The following TPST1 variants were observed in gnomAD, a reference collection of about 807,000 sequenced individuals.
TPST1 encodes the protein protein-tyrosine sulfotransferase 1.
In TPST1, 20 loss-of-function variants were observed where a neutral mutation model predicts 34.8. That is an observed-to-expected ratio of 0.57 (90% CI 0.40 to 0.84). The LOEUF (loss-of-function observed/expected upper bound fraction) is 0.84, where lower values mean the gene tolerates loss of function less well. Ranked by LOEUF, TPST1 falls within the 40% of genes least tolerant of loss-of-function variation. TPST1 has a pLI of 0.00. For synonymous variants in TPST1, 152 were observed against 159.4 expected (o/e 0.95, Z 0.35); for missense variants, 353 against 455.5 (o/e 0.78, Z 2.05).
At chr7:66,220,845 G>A (rs1187127182) in intron 1 of TPST1, among the ~76,000 whole-genome samples, 1 of 152,232 alleles carries the variant, frequency 6.6e-6, no homozygotes, top group South Asian at 2.1e-4. Context: ...TAGAAAGGTC[G>A]TTCCTGGCTG....
intron 2 of TPST1, 32 bp downstream of exon 2, chr7:66,241,302 C>CTA: frequency 6.4e-7 from 1 of 1,562,728 alleles, no homozygotes. Context: ...TATTTTGACT[C>CTA]TATATTTAGC....
chr7:66,269,218 C>T (rs891554048), intron 2 of TPST1, among the ~76,000 whole-genome samples: 1 of 152,144 alleles, frequency 6.6e-6, no homozygotes, highest in Non-Finnish European at 1.5e-5. Flanking sequence ...GCTATTTAAG[C>T]TATTTTAGTA....
intron 3 of TPST1, among the ~76,000 whole-genome samples, 156 bp from the exon 4 acceptor site, chr7:66,352,349 G>C (rs1792497076): frequency 6.6e-6 from 1 of 152,202 alleles, no homozygotes; most frequent in Non-Finnish European, 1.5e-5. Context: ...CCTCAGTGCT[G>C]CCCACTGGCT....
Position 66,264,156 on chromosome 7 carries a change from G to A in TPST1, c.846-22355G>A, listed in dbSNP as rs551650793. 6.4e-4 allele frequency among the ~76,000 whole-genome samples: 97 copies of A among 152,258 alleles called. 1 individual carries two copies. Among genetic ancestry groups the A allele is most frequent in the Admixed American group, 9.8e-4 (15 of 15,298 alleles). Reference sequence around the variant, plus strand: ...TCAGAACTGCCCTACTTCTGAGATCGGGGAGGACAGTAGTTATCAAGAAAC... The same window carrying A: ...TCAGAACTGCCCTACTTCTGAGATCAGGGAGGACAGTAGTTATCAAGAAAC... On this transcript the variant is annotated intron_variant, in intron 2 of 5. Coordinates refer to ENST00000304842, the MANE Select transcript of TPST1 (RefSeq NM_003596.4).
intron 3 of TPST1, among the ~76,000 whole-genome samples, chr7:66,313,141 C>T (rs1050557303): frequency 4.0e-4 from 60 of 151,780 alleles, no homozygotes; most frequent in Admixed American, 1.0e-3. Flanking sequence ...GGTAGCCAGG[C>T]GCGGTGGCTC....
chr7:66,238,761 A>G (rs1789963526), intron 1 of TPST1, among the ~76,000 whole-genome samples: 1 of 152,242 alleles, frequency 6.6e-6, no homozygotes, highest in African/African-American at 2.4e-5. Context: ...ACCAAAGTCT[A>G]GCCAAGTTGA....
intron 3 of TPST1, among the ~76,000 whole-genome samples, chr7:66,330,793 A>G (rs149098247): frequency 7.0e-4 from 107 of 152,346 alleles, no homozygotes; most frequent in African/African-American, 2.5e-3. Flanking sequence ...TCCCAGTTCT[A>G]ATATTCCTCC....
chr7:66,213,491 C>T (rs966409306), intron 1 of TPST1, among the ~76,000 whole-genome samples: 4 of 152,100 alleles, frequency 2.6e-5, no homozygotes, highest in African/African-American at 4.8e-5. Context: ...CGCGGTGGCT[C>T]ACGCCTGTAA....
At chr7:66,219,896 A>G (rs1789503678) in intron 1 of TPST1, among the ~76,000 whole-genome samples, 2 of 152,194 alleles carry the variant, frequency 1.3e-5, no homozygotes, top group African/African-American at 2.4e-5. Flanking sequence ...TAGAACAGAA[A>G]TGTTCCTTTA....
chr7:66,333,977 C>G (rs1792044347), intron 3 of TPST1, among the ~76,000 whole-genome samples: 1 of 152,000 alleles, frequency 6.6e-6, no homozygotes, highest in Admixed American at 6.6e-5. Flanking sequence ...AGGGACTGAG[C>G]CATTTGGAAG....
In TPST1 at chr7:66,237,891, A is replaced by G. The variant is rs778926671; in HGVS notation, c.-101-2434A>G. Among the ~76,000 whole-genome samples the G allele has an allele frequency of 2.6e-5, 4 of 152,284 alleles. No homozygotes were observed. The East Asian group carries it at 7.7e-4, about 29-fold the overall frequency. On this transcript the variant is annotated intron_variant, in intron 1 of 5. Transcript: ENST00000304842. The stretch of plus-strand genomic sequence containing the variant: ...TCGGGTTGCTGTTTCTTGTGGCCCA[A>G]TAACGAGATGCAGATGAACTGGGGA...
chr7:66,350,886 T>A (rs1442663583), intron 3 of TPST1, among the ~76,000 whole-genome samples: 1 of 152,248 alleles, frequency 6.6e-6, no homozygotes, highest in Non-Finnish European at 1.5e-5. Context: ...AAATGATATA[T>A]GTGTAACAGT....
chr7:66,269,987 G>A (rs1431986586), intron 2 of TPST1, among the ~76,000 whole-genome samples: 2 of 151,832 alleles, frequency 1.3e-5, no homozygotes, highest in African/African-American at 4.8e-5. Flanking sequence ...GTGGAAAAAA[G>A]GAAAAACAGA....
At chr7:66,278,351 T>C (rs565138874) in intron 2 of TPST1, among the ~76,000 whole-genome samples, 89 of 152,180 alleles carry the variant, frequency 5.8e-4, no homozygotes, top group African/African-American at 2.1e-3. Flanking sequence ...AGGCTGAGGC[T>C]GCCGTGCGGG....
chr7:66,263,751 T>C (rs1790533683), intron 2 of TPST1, among the ~76,000 whole-genome samples: 1 of 152,188 alleles, frequency 6.6e-6, no homozygotes, highest in African/African-American at 2.4e-5. Flanking sequence ...TTTCAAGTGG[T>C]TTAAAAAGTT....
intron 2 of TPST1, among the ~76,000 whole-genome samples, chr7:66,281,935 C>T (rs143443139): frequency 1.3e-5 from 2 of 152,234 alleles, no homozygotes; most frequent in African/African-American, 4.8e-5. Flanking sequence ...GAGGAGTTGC[C>T]GCCACTGTGA....
chr7:66,236,467 T>C (rs1441695763), intron 1 of TPST1, among the ~76,000 whole-genome samples: 1 of 152,174 alleles, frequency 6.6e-6, no homozygotes, highest in Non-Finnish European at 1.5e-5. Flanking sequence ...TAATGAAGTA[T>C]ATATAGTGTA....
intron 1 of TPST1, among the ~76,000 whole-genome samples, chr7:66,211,331 T>A (rs1789240246): frequency 1.3e-5 from 2 of 152,000 alleles, no homozygotes; most frequent in South Asian, 4.2e-4. Context: ...ACGGGGTTTC[T>A]CCATATTGAG....
At chr7:66,318,422 T>C (rs1489007500) in intron 3 of TPST1, among the ~76,000 whole-genome samples, 1 of 152,136 alleles carries the variant, frequency 6.6e-6, no homozygotes, top group East Asian at 1.9e-4. Flanking sequence ...TCTAAGATCA[T>C]CTTTCTCAGA....
Sources: allele counts gnomAD v4.1 joint callset (sites outside exome capture counted in the v4.1 genomes callset), GRCh38; gene constraint gnomAD v4.1.1; transcripts MANE v1.5; gene names NCBI Gene and HGNC (gene_info 2026-07-23, HGNC 2026-07-21).